Variants in ADGRG7 observed in about 807,000 individuals in gnomAD.
ADGRG7 encodes the protein G-protein coupled receptor 128.
A neutral mutation model predicts 88.6 loss-of-function variants in ADGRG7; 82 were observed. The ratio of observed to expected loss-of-function variants is 0.93; its 90% CI spans 0.77 to 1.11. ADGRG7 has a LOEUF of 1.11. Among genes scored for constraint, ADGRG7 ranks in the 50% most tolerant of loss-of-function variants. The pLI is 0.00. For missense variants in ADGRG7, 945 were observed against 953.4 expected, an observed-to-expected ratio of 0.99 and a Z score of 0.12; for synonymous variants, 381 against 345.2, an observed-to-expected ratio of 1.10 and a Z score of -1.15.
chr3:100,690,811 G>T (rs927956352), intron 15 of ADGRG7, among the ~76,000 whole-genome samples: 3 of 152,212 alleles, frequency 2.0e-5, no homozygotes, highest in African/African-American at 7.2e-5. Flanking sequence ...GCTACTCGGG[G>T]GTCAGGGACC....
chr3:100,675,909 A>G (rs1331314779), intron 15 of ADGRG7, among the ~76,000 whole-genome samples: 2 of 152,084 alleles, frequency 1.3e-5, no homozygotes, highest in African/African-American at 4.8e-5. Flanking sequence ...TGCTCATAGT[A>G]GCCACTAATG....
At chr3:100,644,155 C>T (rs6441383) in intron 8 of ADGRG7, among the ~76,000 whole-genome samples, 99,174 of 151,684 alleles carry the variant, frequency 0.65, 33,222 homozygotes, top group East Asian at 0.99. Context: ...AATTCTTACA[C>T]GTAACTTGAA....
chr3:100,628,043 C>T (rs975460773), intron 1 of ADGRG7, among the ~76,000 whole-genome samples: 2 of 151,928 alleles, frequency 1.3e-5, no homozygotes, highest in Non-Finnish European at 2.9e-5. Flanking sequence ...TATATGGCTC[C>T]TTTTATTCTG....
chr3:100,646,809 G>A, intron 10 of ADGRG7, 85 bp downstream of exon 10: 4 of 1,122,506 alleles, frequency 3.6e-6, no homozygotes, highest in East Asian at 2.4e-5. Context: ...GATAACTTTG[G>A]GATTTAATTT....
chr3:100,677,733 A>T (rs934931737), intron 15 of ADGRG7, among the ~76,000 whole-genome samples: 1 of 152,104 alleles, frequency 6.6e-6, no homozygotes, highest in African/African-American at 2.4e-5. Context: ...CATCACTTTA[A>T]ATATGTCATG....
At chr3:100,654,738 C>T in intron 11 of ADGRG7, 97 bp from the exon 12 acceptor site, 1 of 716,996 alleles carries the variant, frequency 1.4e-6, no homozygotes, top group Non-Finnish European at 2.3e-6. Context: ...TTACATTGGG[C>T]AATAATATTC....
intron 13 of ADGRG7, among the ~76,000 whole-genome samples, chr3:100,659,309 G>A (rs1013155210): frequency 5.9e-5 from 9 of 151,388 alleles, no homozygotes; most frequent in Non-Finnish European, 1.0e-4. Flanking sequence ...GCGTGGTGGC[G>A]GGTGCCTGTA....
rs1469693395 is a variant in ADGRG7 at position 100,695,450 on chromosome 3, T to G, written c.*449T>G. 7 of 152,808 alleles carry G rather than the reference T, an allele frequency of 4.6e-5. No individual in the cohort carries two copies. 9.5% of individuals were successfully genotyped at this position (152,808 alleles called of 1,614,324 possible). On this transcript the variant is annotated 3_prime_UTR_variant, in exon 16 of 16. Transcript: ENST00000273352. ...ATTTTACAGTCGTATGTGCTTGTACTTTTATTTCCAATGAAGAATTTGGCA... is the reference window on the plus strand; with the variant it reads ...ATTTTACAGTCGTATGTGCTTGTACGTTTATTTCCAATGAAGAATTTGGCA...
chr3:100,638,701 A>G (rs1382362060), intron 6 of ADGRG7, among the ~76,000 whole-genome samples: 1 of 151,734 alleles, frequency 6.6e-6, no homozygotes, highest in Non-Finnish European at 1.5e-5. Flanking sequence ...TCCCTTTCTG[A>G]CCAACACTAC....
At chr3:100,665,582 C>T in intron 14 of ADGRG7, 1 of 365,436 alleles carries the variant, frequency 2.7e-6, no homozygotes, top group Non-Finnish European at 5.3e-6. Flanking sequence ...TATCATTCTT[C>T]CTATATGAAC....
At chr3:100,651,156 T>G (rs1421950450) in intron 11 of ADGRG7, among the ~76,000 whole-genome samples, 1 of 152,206 alleles carries the variant, frequency 6.6e-6, no homozygotes. Flanking sequence ...GTGCTTATGT[T>G]GTAAGGAGCT....
Position 100,679,451 on chromosome 3 carries a change from C to T in ADGRG7, c.2136+10346C>T, listed in dbSNP as rs114121363. Among the ~76,000 whole-genome samples the T allele has an allele frequency of 7.0e-3, 1,072 of 152,306 alleles. 10 individuals are homozygous for T. Among genetic ancestry groups the T allele is most frequent in the African/African-American group, 0.024 (1,012 of 41,560 alleles). ...TGCTTGGTGTTCTACCCCATTGAGGCCAAGCTAGTACCCAAGCTGATTTTG... is the reference window on the plus strand; with the variant it reads ...TGCTTGGTGTTCTACCCCATTGAGGTCAAGCTAGTACCCAAGCTGATTTTG... On this transcript the variant is annotated intron_variant, in intron 15 of 15. Coordinates refer to ENST00000273352, the MANE Select transcript of ADGRG7 (RefSeq NM_032787.3).
rs1225526631 is a variant in ADGRG7, at chr3:100,643,421, T to C, written c.838+16T>C. ...GTGCAGAAAGGTGAGCTGTTAATCT[T>C]ATGTGCTTGTAACAGCAAAGAGCAT... On this transcript the variant is annotated intron_variant, in intron 7 of 15. Transcript: ENST00000273352. The C allele has an allele frequency of 6.2e-7, 1 of 1,613,546 alleles. No homozygotes were observed. The highest frequency in any genetic ancestry group is 1.1e-5 in the South Asian group (1 of 90,926).
intron 1 of ADGRG7, among the ~76,000 whole-genome samples, chr3:100,627,619 A>G (rs964158895): frequency 5.3e-5 from 8 of 152,120 alleles, no homozygotes; most frequent in African/African-American, 1.7e-4. Context: ...TATTTTCTAA[A>G]AGAGTTTGTA....
At chr3:100,671,591 T>C (rs1158887473) in intron 15 of ADGRG7, among the ~76,000 whole-genome samples, 1 of 152,232 alleles carries the variant, frequency 6.6e-6, no homozygotes, top group Non-Finnish European at 1.5e-5. Context: ...TGGCTTTTGT[T>C]GCCATTGCTT....
intron 15 of ADGRG7, among the ~76,000 whole-genome samples, chr3:100,681,888 C>T (rs978333647): frequency 8.5e-5 from 13 of 152,166 alleles, no homozygotes; most frequent in Admixed American, 6.5e-5. Context: ...AGGAAAGGAG[C>T]CCCTTTTTGA....
chr3:100,668,992 T>C lies in ADGRG7; in HGVS notation c.2023T>C (p.Ser675Pro), dbSNP rs775873052. The C allele has an allele frequency of 1.8e-5, 29 of 1,605,592 alleles. No homozygotes were observed. In the East Asian group the frequency reaches 6.0e-4, roughly 33 times the overall value. ...SSMKKIVSTL[S>P]VAVVFGITWI... ...CATGAAGAAGATTGTTAGCACATTA[T>C]CTGTTGCAGTTGTTTTTGGAATTAC... The change falls in exon 15 of 16, where the codon TCT becomes CCT. Residue 675 changes from serine (S) to proline (P), a missense_variant. Physicochemically the swap from Ser to Pro is moderately conservative, Grantham distance 74. Coordinates refer to ENST00000273352, the MANE Select transcript of ADGRG7 (RefSeq NM_032787.3).
chr3:100,666,973 T>C (rs541188756), intron 14 of ADGRG7, among the ~76,000 whole-genome samples: 1 of 152,110 alleles, frequency 6.6e-6, no homozygotes, highest in Non-Finnish European at 1.5e-5. Context: ...GGGGGTAAGG[T>C]CATAGATTAA....
At chr3:100,618,046 C>T (rs1350537578) in intron 1 of ADGRG7, among the ~76,000 whole-genome samples, 7 of 152,064 alleles carry the variant, frequency 4.6e-5, no homozygotes, top group Non-Finnish European at 7.4e-5. Flanking sequence ...ATCCTTCGCT[C>T]GCTTTTTGAT....
Sources: gnomAD v4.1 joint callset for allele counts (sites outside exome capture counted in the v4.1 genomes callset) on GRCh38, gnomAD v4.1.1 for gene constraint, MANE v1.5 for transcripts, NCBI Gene and HGNC (gene_info 2026-07-23, HGNC 2026-07-21) for gene names.